SLC43A1: variants seen among roughly 807,000 people sequenced by gnomAD.
SLC43A1 encodes the protein solute carrier family 43 member 1, also known as large neutral amino acids transporter small subunit 3.
In SLC43A1, 31 loss-of-function variants were observed where a neutral mutation model predicts 59.5. That is an observed-to-expected ratio of 0.52 (90% CI 0.39 to 0.70). The LOEUF is 0.70. Among genes scored for constraint, SLC43A1 ranks in the 30% least tolerant of loss-of-function variants. The pLI, the probability that SLC43A1 is intolerant of heterozygous loss-of-function variation, is 0.00. For missense variants in SLC43A1, 598 were observed against 717.8 expected, an observed-to-expected ratio of 0.83 and a Z score of 1.91; for synonymous variants, 259 against 290.9, an observed-to-expected ratio of 0.89 and a Z score of 1.12.
chr11:57,500,961 G>T, intron 4 of SLC43A1, 27 bp downstream of exon 4: 2 of 1,596,826 alleles, frequency 1.3e-6, no homozygotes, highest in East Asian at 2.3e-5. Flanking sequence ...CTTTTCTTGT[G>T]GGGCCACAAG....
intron 7 of SLC43A1, 30 bp downstream of exon 7, chr11:57,496,001 G>T (rs375475820): frequency 2.5e-6 from 4 of 1,611,730 alleles, no homozygotes; most frequent in Non-Finnish European, 3.4e-6. Context: ...TCTGCCCCAG[G>T]GAGAGTCTCT....
chr11:57,487,597 G>A (rs1340786857), intron 13 of SLC43A1, among the ~76,000 whole-genome samples: 3 of 152,106 alleles, frequency 2.0e-5, no homozygotes, highest in Non-Finnish European at 2.9e-5. Flanking sequence ...CCACGATCAA[G>A]CAAGTCAACA....
intron 10 of SLC43A1, 46 bp downstream of exon 10, chr11:57,491,538 AGCGGGTT>A: frequency 6.2e-7 from 1 of 1,609,954 alleles, no homozygotes; most frequent in South Asian, 1.1e-5. Flanking sequence ...CCCCCTGAGA[AGCGGGTT>A]GCAGTGGGGT....
intron 7 of SLC43A1, among the ~76,000 whole-genome samples, chr11:57,495,719 G>A (rs1287654053): frequency 6.6e-6 from 1 of 152,100 alleles, no homozygotes; most frequent in Non-Finnish European, 1.5e-5. Flanking sequence ...CAGCTCCTCG[G>A]GAGGCAGAGG....
chr11:57,488,785 G>C (rs1388550702), intron 13 of SLC43A1, 131 bp downstream of exon 13: 1 of 778,212 alleles, frequency 1.3e-6, no homozygotes, highest in East Asian at 2.5e-5. Flanking sequence ...TTAAGGAAGT[G>C]AGCTCCCTGC....
In SLC43A1 at chr11:57,501,000, G is replaced by A. The variant is rs370138109; in HGVS notation, c.376C>T (p.Arg126Trp). 82 of 1,599,164 alleles carry A rather than the reference G, an allele frequency of 5.1e-5. No individual in the cohort carries two copies. Among genetic ancestry groups the A allele is most frequent in the Non-Finnish European group, 6.6e-5 (77 of 1,172,712 alleles). ...ACAGACAACTCACCTTCCACGTCCC[G>A]GGAGGCCAGGGCCATGAGGGTGCAG... ...ASCTLMALAS[R>W]DVEALSPLIF... The change falls in exon 4 of 15, where the codon CGG becomes TGG. Residue 126 changes from arginine (R) to tryptophan (W), a missense_variant. By Grantham distance (101) the Arg-to-Trp change is moderately radical (BLOSUM62 -3). Coordinates refer to ENST00000278426, the MANE Select transcript of SLC43A1 (RefSeq NM_003627.6).
At chr11:57,506,388 TAGTC>T (rs1944395830) in intron 2 of SLC43A1, among the ~76,000 whole-genome samples, 1 of 151,890 alleles carries the variant, frequency 6.6e-6, no homozygotes, top group South Asian at 2.1e-4. Flanking sequence ...ATTTTAAAAT[TAGTC>T]AGGTGTGGTG....
chr11:57,509,635 AAGGAAG>A (rs1944478123), intron 2 of SLC43A1, among the ~76,000 whole-genome samples: 1 of 132,126 alleles, frequency 7.6e-6, no homozygotes, highest in African/African-American at 2.8e-5. Context: ...GGAAGGAAGG[AAGGAAG>A]GAAGGAAGGA....
intron 2 of SLC43A1, among the ~76,000 whole-genome samples, chr11:57,511,501 G>A (rs1944544969): frequency 6.6e-6 from 1 of 151,970 alleles, no homozygotes; most frequent in African/African-American, 2.4e-5. Flanking sequence ...GAGTATAGTG[G>A]CACAATCATA....
In SLC43A1 at chr11:57,512,035, A is replaced by G. The variant is rs533969690; in HGVS notation, c.154+1923T>C. ...CTGAACATACTAAAACTGTTAAATT[A>G]TATACTTGAAATGGGTGACTTGTGA... is the stretch of plus-strand genomic sequence containing the variant. On this transcript the variant is annotated intron_variant, in intron 2 of 14. Transcript: ENST00000278426. Among the ~76,000 whole-genome samples the G allele has an allele frequency of 7.2e-5, 11 of 152,282 alleles. No homozygotes were observed. The South Asian group carries it at 2.1e-3, about 29-fold the overall frequency.
intron 8 of SLC43A1, among the ~76,000 whole-genome samples, chr11:57,492,422 C>A: frequency 1.5e-5 from 2 of 129,242 alleles, no homozygotes; most frequent in Admixed American, 8.6e-5. Context: ...AAGACCCTAT[C>A]TCTAAAAAAT....
Position 57,515,330 on chromosome 11 carries a change from A to T in SLC43A1, c.-14+114T>A, listed in dbSNP as rs1334016024. ...GTGCCGCGGGACCGCGGGCGCAAGTAACGGTCTTTCCTTGGGAAGCCTGGC... is the reference window on the plus strand; with the variant it reads ...GTGCCGCGGGACCGCGGGCGCAAGTTACGGTCTTTCCTTGGGAAGCCTGGC... On this transcript the variant is annotated intron_variant, in intron 1 of 14. Coordinates refer to ENST00000278426, the MANE Select transcript of SLC43A1 (RefSeq NM_003627.6). This position sits in a 1 kb window ranked among gnomAD's most constrained non-coding sequence, Gnocchi z 5.3. The T allele has an allele frequency of 6.6e-6, 1 of 152,432 alleles. No homozygotes were observed. Among genetic ancestry groups the T allele is most frequent in the Non-Finnish European group, 1.5e-5 (1 of 68,244 alleles). The allele number at this position is 152,432 out of a possible 1,614,324, so 9.4% of individuals were successfully genotyped here. A position where few individuals can be genotyped will look rare whatever the true frequency, so the allele number is the denominator to read the frequency against.
chr11:57,485,244 T>C lies in SLC43A1; in HGVS notation c.1534-2A>G, dbSNP rs1304061563. On this transcript the variant is annotated splice_acceptor_variant, in intron 14 of 14. Transcript: ENST00000278426. LOFTEE classifies it high-confidence loss of function. ...GAATAGCAGGAGGCCCAGATTCACC[T>C]TTAGGGCAAGGAGAGAGAAACAGAG... 6.2e-7 allele frequency: 1 copy of C among 1,610,798 alleles called. No individual in the cohort carries two copies. The highest frequency in any genetic ancestry group is 8.5e-7 in the Non-Finnish European group (1 of 1,178,396).
chr11:57,486,682 G>A (rs1270174611), intron 14 of SLC43A1, among the ~76,000 whole-genome samples: 1 of 151,166 alleles, frequency 6.6e-6, no homozygotes, highest in Non-Finnish European at 1.5e-5. Context: ...GGTGGTGGGC[G>A]CCTGTGGTCC....
At chr11:57,494,331 G>C (rs1944015891) in intron 7 of SLC43A1, 160 bp from the exon 8 acceptor site, 2 of 655,358 alleles carry the variant, frequency 3.1e-6, no homozygotes, top group Admixed American at 3.5e-5. Flanking sequence ...CTGTTGCTCA[G>C]AGCTTGGCTC....
intron 5 of SLC43A1, 99 bp from the exon 6 acceptor site, chr11:57,497,944 A>C: frequency 1.2e-6 from 1 of 805,368 alleles, no homozygotes; most frequent in Non-Finnish European, 2.0e-6. Flanking sequence ...GACGCAGCAG[A>C]AAAGCCCCAA....
rs1944649940 is a variant in SLC43A1 at position 57,514,958 on chromosome 11, T to TC, written c.-14+485dup. 5 of 966,980 alleles carry TC rather than the reference T, an allele frequency of 5.2e-6. No homozygotes were observed. The highest frequency in any genetic ancestry group is 6.1e-6 in the Non-Finnish European group (5 of 815,192). The allele number at this position is 966,980 out of a possible 1,614,324, so 59.9% of individuals were successfully genotyped here. ...CCAAAGGGAGGGAAAGAGCCCCAGC[T>TC]CCCCCCGCCGCGGCCGCTGCAGCCT... On this transcript the variant is annotated intron_variant, in intron 1 of 14. Transcript: ENST00000278426. This position sits in a 1 kb window ranked among gnomAD's most constrained non-coding sequence, Gnocchi z 5.5.
At chr11:57,487,985 G>A (rs1943790095) in intron 13 of SLC43A1, among the ~76,000 whole-genome samples, 1 of 152,146 alleles carries the variant, frequency 6.6e-6, no homozygotes, top group Admixed American at 6.5e-5. Context: ...GGAGTGAAGT[G>A]CTGGGGCCAG....
At chr11:57,494,695 A>AC in intron 7 of SLC43A1, among the ~76,000 whole-genome samples, 1 of 152,118 alleles carries the variant, frequency 6.6e-6, no homozygotes, top group South Asian at 2.1e-4. Context: ...GGGCTGGAAA[A>AC]AGTTGGCATT....
Sources: gnomAD v4.1 joint callset for allele counts (sites outside exome capture counted in the v4.1 genomes callset) on GRCh38, gnomAD v4.1.1 for gene constraint, Gnocchi (gnomAD v3.1) non-coding constraint, MANE v1.5 for transcripts, NCBI Gene and HGNC (gene_info 2026-07-23, HGNC 2026-07-21) for gene names.